Variants in ADGRV1 observed in about 807,000 individuals in gnomAD.
ADGRV1 encodes G-protein coupled receptor 98.
ADGRV1 carries 359 observed loss-of-function variants against 596.2 expected under a neutral mutation model. That is an observed-to-expected ratio of 0.60 (90% confidence interval 0.55 to 0.66). ADGRV1 has a LOEUF of 0.66. ADGRV1 is among the 30% of genes least tolerant of loss of function. ADGRV1 has a pLI of 0.00. For missense variants in ADGRV1, 7,274 were observed against 7,575.6 expected, an observed-to-expected ratio of 0.96 and a Z score of 1.48; for synonymous variants, 2,681 against 2,679.2, an observed-to-expected ratio of 1.00 and a Z score of -0.02.
intron 85 of ADGRV1, among the ~76,000 whole-genome samples, chr5:91,023,393 G>T (rs952714121): frequency 1.4e-4 from 21 of 152,130 alleles, no homozygotes; most frequent in African/African-American, 5.1e-4. Flanking sequence ...TGAGGAAGGT[G>T]AGGTGATAAA....
intron 83 of ADGRV1, among the ~76,000 whole-genome samples, chr5:90,882,974 A>G (rs1769937800): frequency 6.6e-6 from 1 of 151,358 alleles, no homozygotes; most frequent in South Asian, 2.1e-4. Flanking sequence ...AGAGATTTTT[A>G]AGTAAAGATA....
intron 87 of ADGRV1, among the ~76,000 whole-genome samples, chr5:91,143,901 T>C (rs143133503): frequency 2.9e-3 from 434 of 152,208 alleles, no homozygotes; most frequent in Non-Finnish European, 4.5e-3. Context: ...TCATTGGCAT[T>C]CTAAGTCTGG....
chr5:90,707,850 C>T (rs573674040), intron 38 of ADGRV1, among the ~76,000 whole-genome samples: 1 of 151,846 alleles, frequency 6.6e-6, no homozygotes, highest in East Asian at 1.9e-4. Context: ...TAAGAGACTG[C>T]AGGCCTATGC....
intron 87 of ADGRV1, among the ~76,000 whole-genome samples, chr5:91,122,625 A>G: frequency 6.6e-6 from 1 of 152,354 alleles, no homozygotes; most frequent in Non-Finnish European, 1.5e-5. Flanking sequence ...ATTGGATTGT[A>G]TCTTATAATC....
chr5:91,097,443 T>C (rs947206760), intron 86 of ADGRV1, among the ~76,000 whole-genome samples: 1 of 152,252 alleles, frequency 6.6e-6, no homozygotes, highest in South Asian at 2.1e-4. Context: ...TCACATTATA[T>C]GCAAATAGTA....
chr5:90,625,577 C>T (rs1363505603), intron 6 of ADGRV1: 2 of 172,174 alleles, frequency 1.2e-5, no homozygotes, highest in Admixed American at 6.2e-5. Context: ...AAAAATTCTA[C>T]TGCAGTTGGT....
chr5:91,117,860 G>A (rs1225068886), intron 87 of ADGRV1, among the ~76,000 whole-genome samples: 2 of 152,074 alleles, frequency 1.3e-5, no homozygotes, highest in Non-Finnish European at 2.9e-5. Context: ...CAAAAAGTGA[G>A]AATAATAATA....
At chr5:90,768,877 A>T (rs1053271008) in intron 59 of ADGRV1, among the ~76,000 whole-genome samples, 7 of 152,182 alleles carry the variant, frequency 4.6e-5, no homozygotes, top group African/African-American at 1.7e-4. Context: ...ACACCTGTGT[A>T]AGTGAAAGAA....
chr5:90,694,671 G>A lies in ADGRV1; in HGVS notation c.7915G>A (p.Gly2639Ser), dbSNP rs866112332. The change falls in exon 33 of 90, where the codon GGT becomes AGT. Residue 2639 changes from glycine (G) to serine (S), a missense_variant. By Grantham distance (56) the Gly-to-Ser change is moderately conservative. This residue lies in a region of ADGRV1 where 3,643 missense variants were observed against 3,809.2 expected (regional missense o/e 0.96). Coordinates refer to ENST00000405460, the MANE Select transcript of ADGRV1 (RefSeq NM_032119.4). The part of the protein sequence containing the change: ...GTATEGLDFI[G>S]AGEILTFAEG... ...AGCTACTGAAGGTTTAGATTTTATA[G>A]GTGCTGGAGAGATTCTGACCTTTGC... is the stretch of plus-strand genomic sequence containing the variant. The A allele has an allele frequency of 6.3e-7, 1 of 1,599,670 alleles. No individual in the cohort carries two copies. Among genetic ancestry groups the A allele is most frequent in the African/African-American group, 1.3e-5 (1 of 74,502 alleles).
At chr5:90,891,220 A>G (rs1770790364) in intron 83 of ADGRV1, among the ~76,000 whole-genome samples, 1 of 149,128 alleles carries the variant, frequency 6.7e-6, no homozygotes, top group South Asian at 2.1e-4. Context: ...CAGCATTTAG[A>G]CTTCCTTTTG....
intron 21 of ADGRV1, among the ~76,000 whole-genome samples, chr5:90,670,489 G>A (rs1437720712): frequency 2.0e-5 from 3 of 152,216 alleles, no homozygotes; most frequent in Non-Finnish European, 2.9e-5. Flanking sequence ...TTGGGGAGAA[G>A]TCATGTGAAT....
intron 56 of ADGRV1, 31 bp downstream of exon 56, chr5:90,756,661 TA>T (rs779820367): frequency 7.0e-6 from 11 of 1,563,214 alleles, no homozygotes; most frequent in Admixed American, 5.2e-5. Flanking sequence ...TTTACAGTCA[TA>T]CAGAGGCCTC....
intron 86 of ADGRV1, among the ~76,000 whole-genome samples, chr5:91,080,972 A>G (rs1383388171): frequency 6.6e-6 from 1 of 152,056 alleles, no homozygotes; most frequent in Non-Finnish European, 1.5e-5. Flanking sequence ...CCCTTTCTTC[A>G]TGATTTTGCC....
At chr5:90,657,837 A>G in intron 20 of ADGRV1, 68 bp from the exon 21 acceptor site, 1 of 1,438,546 alleles carries the variant, frequency 7.0e-7, no homozygotes, top group Non-Finnish European at 9.2e-7. Flanking sequence ...TACTTTCTGA[A>G]TCACACGTAA....
intron 71 of ADGRV1, among the ~76,000 whole-genome samples, chr5:90,803,351 C>T (rs1363616627): frequency 1.3e-5 from 2 of 152,144 alleles, no homozygotes; most frequent in African/African-American, 4.8e-5. Context: ...ATTTCCCAAT[C>T]ATTTCATAAA....
intron 85 of ADGRV1, among the ~76,000 whole-genome samples, chr5:91,014,758 A>G (rs1008283698): frequency 6.6e-6 from 1 of 151,776 alleles, no homozygotes; most frequent in African/African-American, 2.4e-5. Context: ...TGTCATTTCT[A>G]ATTGTGTTTA....
Position 90,810,336 on chromosome 5 carries a change from CA to C in ADGRV1, c.15077del (p.His5026LeufsTer51). On this transcript the variant is annotated frameshift_variant, in exon 74 of 90. Coordinates refer to ENST00000405460, the MANE Select transcript of ADGRV1 (RefSeq NM_032119.4). LOFTEE classifies it high-confidence loss of function. ...AGAAGATACACAGATGATCAGATTA[CA>C]TGTACAAAGACTATTTGGGTTCCAC... ...VSEDTQMIRL[H>X]VQRLFGFHSD... 6.2e-7 allele frequency: 1 copy of C among 1,612,884 alleles called. No individual in the cohort carries two copies. Among genetic ancestry groups the C allele is most frequent in the South Asian group, 1.1e-5 (1 of 90,738 alleles).
intron 85 of ADGRV1, among the ~76,000 whole-genome samples, chr5:91,055,622 G>GGCT: frequency 6.6e-6 from 1 of 152,308 alleles, no homozygotes; most frequent in South Asian, 2.1e-4. Flanking sequence ...AGGGCTATCT[G>GGCT]ATTCAGAGTT....
chr5:90,625,152 CT>C lies in ADGRV1; in HGVS notation c.582del (p.Asp195MetfsTer4). On this transcript the variant is annotated frameshift_variant, in exon 6 of 90. Transcript: ENST00000405460. LOFTEE classifies it high-confidence loss of function. ...TFEVEGGPNP[P>X]DEDLSPVKGN... The stretch of plus-strand genomic sequence containing the variant: ...CAGGTAGAGGGTGGCCCAAATCCCC[CT>C]GATGAAGATTTGAGTCCAGTTAAAG... The C allele has an allele frequency of 2.5e-6, 4 of 1,611,640 alleles. No homozygotes were observed. The highest frequency in any genetic ancestry group is 1.1e-5 in the South Asian group (1 of 90,700).
Sources: gnomAD v4.1 joint callset for allele counts (sites outside exome capture counted in the v4.1 genomes callset) on GRCh38, gnomAD v4.1.1 for gene constraint, gnomAD v4.1.1 regional missense constraint, MANE v1.5 for transcripts, NCBI Gene and HGNC (gene_info 2026-07-23, HGNC 2026-07-21) for gene names.